The following CES5A variants were observed in gnomAD, a reference collection of about 807,000 sequenced individuals.
CES5A encodes carboxylesterase 5A, also known as carboxylesterase 5.
CES5A carries 67 observed loss-of-function variants against 62.9 expected under a neutral mutation model. That is an observed-to-expected ratio of 1.07 (90% CI 0.88 to 1.31). The LOEUF (loss-of-function observed/expected upper bound fraction) is 1.31. Ranked by LOEUF, CES5A falls within the 50% of genes most tolerant of loss-of-function variation. The pLI is 0.00. For missense variants in CES5A, 748 were observed against 708.5 expected, an observed-to-expected ratio of 1.06 and a Z score of -0.63; for synonymous variants, 296 against 280.8, an observed-to-expected ratio of 1.05 and a Z score of -0.54.
rs375892981 is a variant in CES5A, at chr16:55,886,852, A to G, written c.-255-12815T>C. ...TGCCTAATCTGTATCATGGGATCCTATGTAATCCCATGATTACATAGGATG... is the reference window on the plus strand; with the variant it reads ...TGCCTAATCTGTATCATGGGATCCTGTGTAATCCCATGATTACATAGGATG... On this transcript the variant is annotated intron_variant, in intron 1 of 12. Transcript: ENST00000518005. Among the ~76,000 whole-genome samples the G allele has an allele frequency of 7.9e-5, 12 of 152,142 alleles. No homozygotes were observed. In the East Asian group the frequency reaches 1.7e-3, roughly 22 times the overall value.
intron 11 of CES5A, among the ~76,000 whole-genome samples, chr16:55,848,734 A>G (rs1006632918): frequency 1.3e-5 from 2 of 152,142 alleles, no homozygotes; most frequent in Non-Finnish European, 2.9e-5. Flanking sequence ...CTTTTGATAC[A>G]TATGTTGTTG....
chr16:55,873,757 C>T, intron 2 of CES5A, 76 bp downstream of exon 2: 1 of 1,332,830 alleles, frequency 7.5e-7, no homozygotes, highest in Non-Finnish European at 1.0e-6. Flanking sequence ...CCTCTTCTTT[C>T]ACACTGGGCT....
intron 9 of CES5A, among the ~76,000 whole-genome samples, chr16:55,855,334 A>G (rs1313898595): frequency 2.6e-5 from 4 of 152,268 alleles, no homozygotes; most frequent in African/African-American, 9.6e-5. Flanking sequence ...GAGAAAAGAA[A>G]GGAAGGAAAA....
rs775507905 is a variant in CES5A at position 55,865,966 on chromosome 16, A to G, written c.702T>C (p.Ser234=). Residue 234 remains serine, a synonymous_variant, in exon 5 of 13, where the codon AGT becomes AGC. Transcript: ENST00000290567. ...AACCACAAAGCAGAGAACTCACAAG[A>G]CTAGAAACACTTATGGCTCCCGCGG... ...GESAGAISVS[S]LILSPMAKGL... is the part of the protein sequence containing the mutation. The G allele has an allele frequency of 6.2e-7, 1 of 1,614,120 alleles. No homozygotes were observed. Among genetic ancestry groups the G allele is most frequent in the Admixed American group, 1.7e-5 (1 of 60,008 alleles).
At chr16:55,875,029 G>T in intron 1 of CES5A, 120 bp downstream of exon 1, 1 of 1,003,092 alleles carries the variant, frequency 1.0e-6, no homozygotes, top group Non-Finnish European at 1.6e-6. Flanking sequence ...TGCCATCAAA[G>T]TACTACATAG....
intron 2 of CES5A, among the ~76,000 whole-genome samples, chr16:55,942,463 T>C (rs1252061653): frequency 6.6e-6 from 1 of 152,222 alleles, no homozygotes; most frequent in Non-Finnish European, 1.5e-5. Flanking sequence ...AGAAATGGTA[T>C]TTAACATCAA....
intron 2 of CES5A, among the ~76,000 whole-genome samples, chr16:55,872,087 C>G (rs2033601861): frequency 6.6e-6 from 1 of 152,196 alleles, no homozygotes; most frequent in Non-Finnish European, 1.5e-5. Flanking sequence ...ACGACCCAAG[C>G]TGGCCCAACA....
chr16:55,872,155 G>T (rs1180452679), intron 2 of CES5A, among the ~76,000 whole-genome samples: 3 of 152,098 alleles, frequency 2.0e-5, no homozygotes, highest in African/African-American at 4.8e-5. Context: ...TGCCCCTGCG[G>T]CTCCCTATTC....
rs539781696 is a variant in CES5A, at chr16:55,897,512, A to G, written c.-255-23475T>C. On this transcript the variant is annotated intron_variant, in intron 1 of 12. Transcript: ENST00000518005. The stretch of plus-strand genomic sequence containing the variant: ...AGTCAACACCCAAACCAAAGGGATC[A>G]GTCCTATGGAAGCCAGCCTTGTACT... Among the ~76,000 whole-genome samples the G allele has an allele frequency of 2.6e-5, 4 of 152,318 alleles. No individual in the cohort carries two copies. The South Asian group carries it at 8.3e-4, about 32-fold the overall frequency.
intron 1 of CES5A, among the ~76,000 whole-genome samples, chr16:55,893,006 A>C (rs1426040080): frequency 6.6e-6 from 1 of 152,222 alleles, no homozygotes; most frequent in Non-Finnish European, 1.5e-5. Flanking sequence ...TTAGCCTGGC[A>C]GGTCGAAATC....
chr16:55,945,715 C>T (rs774431045), intron 2 of CES5A, among the ~76,000 whole-genome samples: 13 of 152,204 alleles, frequency 8.5e-5, no homozygotes, highest in African/African-American at 1.9e-4. Flanking sequence ...CTGGACTCCA[C>T]GTCAGGTCTG....
At chr16:55,955,431 C>A (rs1477283530) in intron 1 of CES5A, among the ~76,000 whole-genome samples, 1 of 152,184 alleles carries the variant, frequency 6.6e-6, no homozygotes, top group Non-Finnish European at 1.5e-5. Flanking sequence ...ATTGTTTTCA[C>A]TCACAGTAAT....
chr16:55,883,219 G>A lies in CES5A; in HGVS notation c.-255-9182C>T, dbSNP rs559134049. Among the ~76,000 whole-genome samples, 193 of 152,210 alleles carry A rather than the reference G, an allele frequency of 1.3e-3. 2 individuals carry two copies. Among genetic ancestry groups the A allele is most frequent in the African/African-American group, 4.5e-3 (186 of 41,558 alleles). On this transcript the variant is annotated intron_variant, in intron 1 of 12. Coordinates refer to the CES5A transcript ENST00000518005. ...TCTGCAGCAGCCAGACTGATGAATC[G>A]AATGGAATTGTGAAAGGCACCACCA...
chr16:55,916,927 A>C (rs1347200555), intron 1 of CES5A, among the ~76,000 whole-genome samples: 2 of 152,180 alleles, frequency 1.3e-5, no homozygotes, highest in East Asian at 3.9e-4. Context: ...ATTCACCTTA[A>C]CTGAACTCAC....
At chr16:55,947,525 T>C (rs568807308) in intron 2 of CES5A, among the ~76,000 whole-genome samples, 1 of 152,192 alleles carries the variant, frequency 6.6e-6, no homozygotes, top group East Asian at 1.9e-4. Flanking sequence ...TCCATTCTGC[T>C]TGGGGGAGGA....
intron 1 of CES5A, among the ~76,000 whole-genome samples, chr16:55,902,366 A>G (rs547888244): frequency 3.9e-5 from 6 of 152,172 alleles, no homozygotes; most frequent in African/African-American, 1.4e-4. Context: ...CAATCCCCAC[A>G]AGTTATTACT....
At chr16:55,955,961 C>T in exon 1 of CES5A, 4 of 1,418,830 alleles carry the variant, frequency 2.8e-6, no homozygotes, top group Non-Finnish European at 3.8e-6. Flanking sequence ...TCCTCTTGCA[C>T]ATCATGTACA....
intron 10 of CES5A, among the ~76,000 whole-genome samples, chr16:55,850,703 G>C (rs1284730770): frequency 6.6e-6 from 1 of 152,088 alleles, no homozygotes; most frequent in African/African-American, 2.4e-5. Context: ...TACAATTTTT[G>C]TTTGAACGTC....
chr16:55,872,333 A>G (rs1448657044), intron 2 of CES5A, among the ~76,000 whole-genome samples: 1 of 151,880 alleles, frequency 6.6e-6, no homozygotes, highest in Non-Finnish European at 1.5e-5. Context: ...TTTTAGAGTC[A>G]CTCCAACTTG....
Sources: allele counts gnomAD v4.1 joint callset (sites outside exome capture counted in the v4.1 genomes callset), GRCh38; gene constraint gnomAD v4.1.1; transcripts MANE v1.5; gene names NCBI Gene and HGNC (gene_info 2026-07-23, HGNC 2026-07-21).